The following COLEC10 variants were observed in gnomAD, a reference collection of about 807,000 sequenced individuals.
COLEC10 encodes the protein collectin-10.
Under a neutral mutation model 28.4 loss-of-function variants are expected in COLEC10, and 22 were observed. The ratio of observed to expected loss-of-function variants is 0.78; its 90% CI spans 0.55 to 1.11. The LOEUF is 1.11. COLEC10 is among the 50% of genes least tolerant of loss of function. The probability of loss-of-function intolerance (pLI) is 0.00; values close to 1 mark genes in which losing one functional copy is unlikely to be tolerated. For synonymous variants in COLEC10, 125 were observed against 116.1 expected (o/e 1.08, Z -0.49); for missense variants, 361 against 344.1 (o/e 1.05, Z -0.39).
chr8:118,964,497 A>G, the COLEC10 span, among the ~76,000 whole-genome samples: 1 of 152,172 alleles, frequency 6.6e-6, no homozygotes, highest in Non-Finnish European at 1.5e-5. Context: ...AATGAGCTTT[A>G]ATATTTAAAT....
At chr8:119,092,066 AT>A (rs34152820) in intron 3 of COLEC10, among the ~76,000 whole-genome samples, 27,078 of 124,330 alleles carry the variant, frequency 0.22, 2,294 homozygotes, top group East Asian at 0.28. Flanking sequence ...TCTTGTCCTA[AT>A]TTTTTTTTTT....
At chr8:118,977,212 A>G in the COLEC10 span, among the ~76,000 whole-genome samples, 4 of 144,058 alleles carry the variant, frequency 2.8e-5, 1 homozygote, top group East Asian at 9.2e-4. Flanking sequence ...GGGATCTAGA[A>G]CTAGAAATAC....
At chr8:119,094,271 C>A (rs989515161) in intron 3 of COLEC10, among the ~76,000 whole-genome samples, 6 of 152,078 alleles carry the variant, frequency 3.9e-5, no homozygotes, top group Non-Finnish European at 7.4e-5. Context: ...GTTTCCAAAT[C>A]TAACAGCTTA....
At chr8:119,069,714 T>C (rs1431976707) in intron 1 of COLEC10, among the ~76,000 whole-genome samples, 1 of 136,090 alleles carries the variant, frequency 7.3e-6, no homozygotes, top group Admixed American at 8.0e-5. Flanking sequence ...TGACAACCCC[T>C]CCCCACTCCA....
At chr8:119,023,405 CTT>C (rs1814132478) in intron 2 of COLEC10, among the ~76,000 whole-genome samples, 1 of 151,920 alleles carries the variant, frequency 6.6e-6, no homozygotes, top group African/African-American at 2.4e-5. Flanking sequence ...TCAAGAGAAA[CTT>C]TAGAGAGAAG....
At chr8:119,042,962 A>G (rs996918588) in intron 2 of COLEC10, among the ~76,000 whole-genome samples, 7 of 152,186 alleles carry the variant, frequency 4.6e-5, no homozygotes, top group African/African-American at 1.7e-4. Flanking sequence ...GAGTCACCAC[A>G]GAAGGAGAAA....
chr8:119,077,450 G>C (rs1029972502), intron 1 of COLEC10, among the ~76,000 whole-genome samples: 5 of 152,092 alleles, frequency 3.3e-5, no homozygotes, highest in African/African-American at 1.2e-4. Flanking sequence ...CCCAGCATCT[G>C]CCCACAGGGC....
chr8:118,967,988 G>T, the COLEC10 span, among the ~76,000 whole-genome samples: 1 of 151,978 alleles, frequency 6.6e-6, no homozygotes, highest in Non-Finnish European at 1.5e-5. Context: ...AATGCATTTC[G>T]TGCAAGAAGA....
At chr8:119,099,506 A>T (rs918099824) in intron 3 of COLEC10, among the ~76,000 whole-genome samples, 3 of 152,080 alleles carry the variant, frequency 2.0e-5, no homozygotes, top group Non-Finnish European at 2.9e-5. Flanking sequence ...GAAATTAAGT[A>T]ACCTGTCCAT....
chr8:119,022,076 T>C (rs1180705168), intron 2 of COLEC10, among the ~76,000 whole-genome samples: 1 of 152,118 alleles, frequency 6.6e-6, no homozygotes, highest in Admixed American at 6.6e-5. Context: ...AAGATTCCTC[T>C]AGCCTCTCTG....
intron 2 of COLEC10, among the ~76,000 whole-genome samples, chr8:119,028,388 A>G (rs1351497225): frequency 6.6e-6 from 1 of 152,190 alleles, no homozygotes; most frequent in Admixed American, 6.5e-5. Context: ...GAGACTGGGA[A>G]TAAAAAGAGG....
chr8:119,091,063 T>C, intron 2 of COLEC10, 86 bp from the exon 3 acceptor site: 1 of 1,000,202 alleles, frequency 1.0e-6, no homozygotes, highest in Non-Finnish European at 1.6e-6. Flanking sequence ...TACTTGTTGG[T>C]ATTTCTTTCA....
chr8:119,079,043 A>C (rs1053404970), intron 1 of COLEC10, among the ~76,000 whole-genome samples: 16 of 133,216 alleles, frequency 1.2e-4, no homozygotes, highest in Admixed American at 7.5e-5. Context: ...ACACACACAC[A>C]CCAACCAGGA....
intron 2 of COLEC10, among the ~76,000 whole-genome samples, chr8:119,028,687 AT>A (rs1814236659): frequency 6.6e-6 from 1 of 152,172 alleles, no homozygotes; most frequent in South Asian, 2.1e-4. Context: ...CAGTCAAGCC[AT>A]ATCCTGTAAA....
rs893232034 is a variant in COLEC10 at position 119,070,806 on chromosome 8, A to C, written c.148+3377A>C. Among the ~76,000 whole-genome samples the C allele has an allele frequency of 2.0e-5, 3 of 152,172 alleles. No individual in the cohort carries two copies. In the East Asian group the frequency reaches 5.8e-4, roughly 29 times the overall value. The stretch of plus-strand genomic sequence containing the variant: ...CAAGTTTTAAACAAAACATGTTAAA[A>C]AATGATTTTAACCAATAAATGTGGA... On this transcript the variant is annotated intron_variant, in intron 1 of 5. Coordinates refer to ENST00000332843, the MANE Select transcript of COLEC10 (RefSeq NM_006438.5).
intron 1 of COLEC10, among the ~76,000 whole-genome samples, chr8:119,084,809 T>C (rs1815438807): frequency 6.6e-6 from 1 of 152,236 alleles, no homozygotes; most frequent in African/African-American, 2.4e-5. Flanking sequence ...TGCTAATTGG[T>C]AAATCTCAGT....
rs769207383 is a variant in COLEC10 at position 119,105,978 on chromosome 8, G to T, written c.621G>T (p.Val207=). The T allele has an allele frequency of 3.1e-6, 5 of 1,613,716 alleles. No individual in the cohort carries two copies. The African/African-American group carries it at 6.7e-5, about 22-fold the overall frequency. The change falls in exon 6 of 6, where the codon GTG becomes GTT. Residue 207 remains valine, a synonymous_variant. Transcript: ENST00000332843. The part of the protein sequence containing the change: ...DYVAKSGFFR[V]FIGVNDLERE... Reference sequence around the variant, plus strand: ...TTGCCAAGAGTGGCTTCTTTCGGGTGTTCATTGGCGTGAATGACCTTGAAA... The same window carrying T: ...TTGCCAAGAGTGGCTTCTTTCGGGTTTTCATTGGCGTGAATGACCTTGAAA...
At chr8:119,064,550 A>G (rs936994370), upstream of COLEC10, among the ~76,000 whole-genome samples, 3 of 152,236 alleles carry the variant, frequency 2.0e-5, no homozygotes, top group South Asian at 6.2e-4. Context: ...TTACATGCCT[A>G]GTGGCAATTG....
intron 1 of COLEC10, among the ~76,000 whole-genome samples, chr8:119,006,607 G>A (rs1049614399): frequency 2.0e-5 from 3 of 152,030 alleles, no homozygotes; most frequent in Non-Finnish European, 4.4e-5. Flanking sequence ...CTCTGTAAAT[G>A]CCATGTTCTT....
Sources: allele counts gnomAD v4.1 joint callset (sites outside exome capture counted in the v4.1 genomes callset), GRCh38; gene constraint gnomAD v4.1.1; transcripts MANE v1.5; gene names NCBI Gene and HGNC (gene_info 2026-07-23, HGNC 2026-07-21).